CCNY: variants seen among roughly 807,000 people sequenced by gnomAD.
The protein encoded by CCNY is cyclin-Y.
A neutral mutation model predicts 42.8 loss-of-function variants in CCNY; 19 were observed. The observed-to-expected ratio is 0.44, with a 90% CI of 0.31 to 0.65. The LOEUF is 0.65. CCNY is among the 30% of genes least tolerant of loss of function. The probability of loss-of-function intolerance (pLI) is 0.07; values close to 1 mark genes in which losing one functional copy is unlikely to be tolerated. For synonymous variants in CCNY, 165 were observed against 162.7 expected (o/e 1.01, Z -0.11); for missense variants, 370 against 437.3 (o/e 0.85, Z 1.37).
In CCNY at chr10:35,534,346, G is replaced by GA. The variant is rs557907330; in HGVS notation, c.579+4110dup. 1.1e-3 allele frequency among the ~76,000 whole-genome samples: 173 copies of GA among 152,252 alleles called. 1 individual carries two copies. The highest frequency in any genetic ancestry group is 6.0e-4 in the Non-Finnish European group (41 of 68,016). On this transcript the variant is annotated intron_variant, in intron 7 of 9. Transcript: ENST00000374704. ...CCTGCTTAAGCTTTCTGAAGGGACA[G>GA]AAAAAAACTCGTCAACTTCGGGGAC... is the stretch of plus-strand genomic sequence containing the variant.
chr10:35,400,663 A>T (rs1837623760), intron 1 of CCNY, among the ~76,000 whole-genome samples: 1 of 152,180 alleles, frequency 6.6e-6, no homozygotes, highest in South Asian at 2.1e-4. Context: ...ATATTTATTA[A>T]TGGTGCAATA....
chr10:35,330,547 G>A (rs568916090), intron 3 of CCNY, among the ~76,000 whole-genome samples: 21 of 152,220 alleles, frequency 1.4e-4, no homozygotes, highest in Admixed American at 5.9e-4. Flanking sequence ...TGGCTAGATC[G>A]GGATTACATT....
At chr10:35,529,925 A>C in intron 5 of CCNY, 48 bp from the exon 6 acceptor site, 2 of 1,487,260 alleles carry the variant, frequency 1.3e-6, no homozygotes, top group Non-Finnish European at 1.9e-6. Flanking sequence ...TATTTGAATG[A>C]CATTCTTGCA....
At chr10:35,317,616 G>A (rs1401458104) in intron 3 of CCNY, among the ~76,000 whole-genome samples, 1 of 152,200 alleles carries the variant, frequency 6.6e-6, no homozygotes, top group Non-Finnish European at 1.5e-5. Flanking sequence ...CTGTGACCAC[G>A]TGGCATCTCT....
At chr10:35,567,472 C>CT (rs1841595619) in intron 9 of CCNY, among the ~76,000 whole-genome samples, 1 of 152,204 alleles carries the variant, frequency 6.6e-6, no homozygotes, top group Non-Finnish European at 1.5e-5. Flanking sequence ...TCCTCTGCAC[C>CT]TTTTTTCCCA....
intron 3 of CCNY, among the ~76,000 whole-genome samples, chr10:35,293,482 T>C (rs564274767): frequency 5.3e-5 from 8 of 152,192 alleles, no homozygotes; most frequent in South Asian, 2.1e-4. Flanking sequence ...TAGGATCAGG[T>C]TGCCAGTTTC....
At chr10:35,427,040 G>A (rs747641455) in intron 1 of CCNY, among the ~76,000 whole-genome samples, 10 of 152,192 alleles carry the variant, frequency 6.6e-5, no homozygotes, top group Non-Finnish European at 1.5e-4. Context: ...AAGTATATTT[G>A]TGTCTTATAC....
chr10:35,282,027 T>C (rs954071651), intron 3 of CCNY, among the ~76,000 whole-genome samples: 7 of 151,968 alleles, frequency 4.6e-5, no homozygotes, highest in African/African-American at 1.7e-4. Flanking sequence ...TAAATTTCTA[T>C]CTTTTCTTGG....
chr10:35,263,080 G>A (rs974506795), intron 3 of CCNY, among the ~76,000 whole-genome samples: 15 of 151,940 alleles, frequency 9.9e-5, no homozygotes, highest in African/African-American at 3.6e-4. Context: ...AAATTAGCCG[G>A]GCACGGTGGC....
At chr10:35,297,250 CA>C (rs771066859) in intron 3 of CCNY, among the ~76,000 whole-genome samples, 6 of 151,762 alleles carry the variant, frequency 4.0e-5, no homozygotes, top group Non-Finnish European at 8.8e-5. Context: ...GAACTAAAAA[CA>C]AAAAGCATAA....
intron 1 of CCNY, among the ~76,000 whole-genome samples, chr10:35,389,259 A>T (rs1837361169): frequency 6.6e-6 from 1 of 152,102 alleles, no homozygotes; most frequent in Non-Finnish European, 1.5e-5. Context: ...CTACTACTGT[A>T]GTCTACTACA....
At chr10:35,438,276 G>A (rs1838584110) in intron 1 of CCNY, among the ~76,000 whole-genome samples, 1 of 150,916 alleles carries the variant, frequency 6.6e-6, no homozygotes, top group African/African-American at 2.4e-5. Context: ...AGCCTTCCAA[G>A]TAGCTGGGAT....
intron 1 of CCNY, among the ~76,000 whole-genome samples, chr10:35,366,613 G>A (rs1564384219): frequency 6.6e-6 from 1 of 152,198 alleles, no homozygotes. Context: ...GCTGAGTGTG[G>A]ACATTCAGCT....
At chr10:35,554,969 C>T (rs749505604) in intron 8 of CCNY, among the ~76,000 whole-genome samples, 1 of 152,186 alleles carries the variant, frequency 6.6e-6, no homozygotes, top group Non-Finnish European at 1.5e-5. Flanking sequence ...TGCCAGCAAA[C>T]TGAATTTTCA....
intron 3 of CCNY, among the ~76,000 whole-genome samples, chr10:35,504,031 C>T (rs548229973): frequency 1.5e-4 from 23 of 152,204 alleles, no homozygotes; most frequent in Middle Eastern, 3.4e-3. Flanking sequence ...AGTTATTTTT[C>T]GCCCTTATTA....
chr10:35,424,526 G>T (rs1024930969), intron 1 of CCNY, among the ~76,000 whole-genome samples: 1 of 152,184 alleles, frequency 6.6e-6, no homozygotes, highest in Non-Finnish European at 1.5e-5. Context: ...GCGCCCAGCC[G>T]TTATTTTCTA....
chr10:35,525,937 C>G (rs967114194), intron 4 of CCNY, 27 bp from the exon 5 acceptor site: 7 of 1,607,900 alleles, frequency 4.4e-6, no homozygotes, highest in South Asian at 1.1e-5. Context: ...CTCATGGACA[C>G]TGAACCTCTG....
At chr10:35,443,555 A>T (rs116443430) in intron 1 of CCNY, among the ~76,000 whole-genome samples, 2 of 152,194 alleles carry the variant, frequency 1.3e-5, no homozygotes, top group African/African-American at 4.8e-5. Context: ...TCTGTAGAAA[A>T]TGAAGTAGAG....
chr10:35,504,625 TTTGTTGTTGTTG>T (rs376566765), intron 3 of CCNY, among the ~76,000 whole-genome samples: 1 of 151,992 alleles, frequency 6.6e-6, no homozygotes, highest in East Asian at 1.9e-4. Context: ...TAGGAAGGTT[TTTGTTGTTGTTG>T]TTGTTGTTGT....
Sources: allele counts gnomAD v4.1 joint callset (sites outside exome capture counted in the v4.1 genomes callset), GRCh38; gene constraint gnomAD v4.1.1; transcripts MANE v1.5; gene names NCBI Gene and HGNC (gene_info 2026-07-23, HGNC 2026-07-21).